MYO18B: variants seen among roughly 807,000 people sequenced by gnomAD.
The protein encoded by MYO18B is myosin XVIIIB.
A neutral mutation model predicts 273.0 loss-of-function variants in MYO18B; 204 were observed. The observed-to-expected ratio is 0.75, with a 90% CI of 0.67 to 0.84. The LOEUF is 0.84. Ranked by LOEUF, MYO18B falls within the 40% of genes least tolerant of loss-of-function variation. The pLI is 0.00. For missense variants in MYO18B, 3,212 were observed against 3,287.6 expected, an observed-to-expected ratio of 0.98 and a Z score of 0.56; for synonymous variants, 1,330 against 1,305.7, an observed-to-expected ratio of 1.02 and a Z score of -0.40.
At chr22:25,855,532 G>A (rs1424362252) in intron 21 of MYO18B, among the ~76,000 whole-genome samples, 3 of 152,066 alleles carry the variant, frequency 2.0e-5, no homozygotes, top group Admixed American at 6.6e-5. Context: ...CGCCCACCTC[G>A]GCCTCCCAAA....
At position 26,027,068 on chromosome 22, in the gene MYO18B, T is replaced by C; in HGVS notation, c.7094T>C (p.Leu2365Pro). 1 of 1,613,992 alleles carries C rather than the reference T, an allele frequency of 6.2e-7. No homozygotes were observed. Among genetic ancestry groups the C allele is most frequent in the Non-Finnish European group, 8.5e-7 (1 of 1,179,896 alleles). The change falls in exon 43 of 44, where the codon CTG becomes CCG. Residue 2365 changes from leucine (L) to proline (P), a missense_variant. Transcript: ENST00000335473. The surrounding 1 kb of genome is among the most constrained non-coding windows in gnomAD (Gnocchi z 4.1). Reference protein sequence around the residue: ...LESRPSMGRKLSSPTTPRDML... With the variant: ...LESRPSMGRKPSSPTTPRDML... ...TCCAGACCGAGCATGGGGAGAAAAC[T>C]GAGCTCTCCGACCACACCCAGGGAC...
chr22:26,027,443 C>A lies in MYO18B; in HGVS notation c.7469C>A (p.Thr2490Asn), dbSNP rs1376477817. The A allele has an allele frequency of 1.2e-6, 2 of 1,613,884 alleles. No homozygotes were observed. The highest frequency in any genetic ancestry group is 1.3e-5 in the African/African-American group (1 of 74,922). The change falls in exon 43 of 44, where the codon ACC (threonine) becomes AAC (asparagine). Residue 2490 changes from threonine to asparagine, a missense_variant. Thr to Asn is a moderately conservative substitution (Grantham distance 65). Coordinates refer to ENST00000335473, the MANE Select transcript of MYO18B (RefSeq NM_032608.7). The surrounding 1 kb of genome is among the most constrained non-coding windows in gnomAD (Gnocchi z 4.1). Reference sequence around the variant, plus strand: ...CGTTCCTTTCTCTCGGGGATCAAGACCATTTTGAAGAAGAGCCCGGAGCCC... The same window carrying A: ...CGTTCCTTTCTCTCGGGGATCAAGAACATTTTGAAGAAGAGCCCGGAGCCC... ...ANRSFLSGIK[T>N]ILKKSPEPKE...
At position 25,957,106 on chromosome 22, in the gene MYO18B, A is replaced by G. The variant is rs537549233; in HGVS notation, c.6156+1742A>G. On this transcript the variant is annotated intron_variant, in intron 39 of 43. Coordinates refer to ENST00000335473, the MANE Select transcript of MYO18B (RefSeq NM_032608.7). ...TCCTCATTAACCAGCCCCATTTCTC[A>G]TGCAGCTGAGCACCCCTCCTGCAAG... 2.0e-5 allele frequency among the ~76,000 whole-genome samples: 3 copies of G among 152,242 alleles called. No individual in the cohort carries two copies. The East Asian group carries it at 5.8e-4, about 29-fold the overall frequency.
At chr22:25,847,119 C>T (rs895223410) in intron 19 of MYO18B, among the ~76,000 whole-genome samples, 4 of 151,536 alleles carry the variant, frequency 2.6e-5, no homozygotes, top group Non-Finnish European at 5.9e-5. Flanking sequence ...ATAAAATGGA[C>T]CTCCTAGTGC....
At chr22:26,033,642 A>G (rs1936711893), downstream of MYO18B, among the ~76,000 whole-genome samples, 16 of 152,156 alleles carry the variant, frequency 1.1e-4, no homozygotes. Context: ...AACCATCCCC[A>G]TGCCTCTCAA....
intron 39 of MYO18B, among the ~76,000 whole-genome samples, chr22:25,978,798 A>G (rs1440351814): frequency 1.3e-5 from 2 of 152,176 alleles, no homozygotes; most frequent in Non-Finnish European, 2.9e-5. Flanking sequence ...TACTGAAAAT[A>G]CAAAAATTAG....
At position 25,763,318 on chromosome 22, in the gene MYO18B, C is replaced by A. The variant is rs1318966396; in HGVS notation, c.127C>A (p.Arg43=). 6.2e-7 allele frequency: 1 copy of A among 1,612,958 alleles called. No homozygotes were observed. The highest frequency in any genetic ancestry group is 8.5e-7 in the Non-Finnish European group (1 of 1,179,674). Residue 43 remains arginine, a synonymous_variant, in exon 3 of 44, where the codon CGG becomes AGG. Coordinates refer to ENST00000335473, the MANE Select transcript of MYO18B (RefSeq NM_032608.7). The part of the protein sequence containing the change: ...IPGGFIKQLV[R]GTEKEAKEAR... ...AGGGGGCTTCATTAAGCAACTGGTC[C>A]GGGGGACTGAAAAAGAGGCCAAGGA...
intron 17 of MYO18B, among the ~76,000 whole-genome samples, chr22:25,842,598 G>T (rs2090116804): frequency 6.6e-6 from 1 of 151,714 alleles, no homozygotes; most frequent in East Asian, 1.9e-4. Context: ...CTTGAACCTG[G>T]GAGGTGGAGG....
At chr22:25,806,629 C>T (rs888626879) in intron 12 of MYO18B, among the ~76,000 whole-genome samples, 4 of 152,250 alleles carry the variant, frequency 2.6e-5, no homozygotes, top group Non-Finnish European at 4.4e-5. Context: ...AGGCTCATGG[C>T]TCAAGCCATC....
intron 39 of MYO18B, among the ~76,000 whole-genome samples, chr22:25,979,588 A>T (rs2093128398): frequency 6.6e-6 from 1 of 152,130 alleles, no homozygotes. Context: ...GGGTCCCATG[A>T]TGGCTATTCT....
chr22:25,976,070 G>A (rs1417515973), intron 39 of MYO18B, among the ~76,000 whole-genome samples: 1 of 152,128 alleles, frequency 6.6e-6, no homozygotes, highest in Non-Finnish European at 1.5e-5. Context: ...GGAACATTAG[G>A]AAATATCTGG....
intron 39 of MYO18B, among the ~76,000 whole-genome samples, chr22:25,957,479 A>G (rs2092867224): frequency 6.6e-6 from 1 of 152,250 alleles, no homozygotes; most frequent in South Asian, 2.1e-4. Flanking sequence ...AAGATTCTGG[A>G]TAAGTTTATC....
In MYO18B at chr22:25,997,000, C is replaced by T. The variant is rs189061756; in HGVS notation, c.6287+4507C>T. On this transcript the variant is annotated intron_variant, in intron 40 of 43. Transcript: ENST00000335473. ...CCAGTGCCCCAGGCAGGATTGGCCA[C>T]GTCATTTGTAGGGTTCAGTGTGAAG... Among the ~76,000 whole-genome samples, 39 of 152,242 alleles carry T rather than the reference C, an allele frequency of 2.6e-4. No individual in the cohort carries two copies. In the East Asian group the frequency reaches 4.8e-3, roughly 19 times the overall value.
At chr22:25,824,444 C>T (rs1033733382) in intron 13 of MYO18B, among the ~76,000 whole-genome samples, 17 of 152,160 alleles carry the variant, frequency 1.1e-4, no homozygotes, top group East Asian at 9.7e-4. Flanking sequence ...TTTGAACTGC[C>T]GTGGGGGAAA....
chr22:25,783,179 G>T (rs1406166263), intron 10 of MYO18B, among the ~76,000 whole-genome samples: 1 of 152,136 alleles, frequency 6.6e-6, no homozygotes, highest in East Asian at 1.9e-4. Flanking sequence ...ACCCCTGACA[G>T]GCCCTGACCA....
intron 12 of MYO18B, among the ~76,000 whole-genome samples, chr22:25,802,080 C>G (rs1239872858): frequency 6.6e-6 from 1 of 152,258 alleles, no homozygotes; most frequent in Non-Finnish European, 1.5e-5. Context: ...GTCTCCACTT[C>G]AGATGCCAGC....
At chr22:25,988,110 CT>C in intron 39 of MYO18B, among the ~76,000 whole-genome samples, 1 of 152,036 alleles carries the variant, frequency 6.6e-6, no homozygotes, top group East Asian at 1.9e-4. Flanking sequence ...CTCCCGCCCA[CT>C]TCCTGTTTCA....
At position 25,943,711 on chromosome 22, in the gene MYO18B, CTTTT is replaced by C. The variant is rs59256754; in HGVS notation, c.5518-2406_5518-2403del. Among the ~76,000 whole-genome samples, 504 of 79,590 alleles carry C rather than the reference CTTTT, an allele frequency of 6.3e-3. 1 individual carries two copies. Among genetic ancestry groups the C allele is most frequent in the South Asian group, 0.031 (77 of 2,456 alleles). 52.2% of individuals were successfully genotyped at this position (79,590 alleles called of 152,430 possible). On this transcript the variant is annotated intron_variant, in intron 34 of 43. Coordinates refer to ENST00000335473, the MANE Select transcript of MYO18B (RefSeq NM_032608.7). Reference sequence around the variant, plus strand: ...ACTTTGCATCTTGTTTCTTTCTTTCCTTTTTTTTTTTTTTTTTTTTTTTCTGAGA... The same window carrying C: ...ACTTTGCATCTTGTTTCTTTCTTTCCTTTTTTTTTTTTTTTTTTTCTGAGA...
intron 11 of MYO18B, among the ~76,000 whole-genome samples, chr22:25,790,101 C>T (rs1374323736): frequency 1.3e-5 from 2 of 152,096 alleles, no homozygotes; most frequent in Admixed American, 6.5e-5. Context: ...TGCAGTGAGC[C>T]GAGATTGCGC....
Sources: allele counts gnomAD v4.1 joint callset (sites outside exome capture counted in the v4.1 genomes callset), GRCh38; gene constraint gnomAD v4.1.1; non-coding constraint Gnocchi (gnomAD v3.1); transcripts MANE v1.5; gene names NCBI Gene and HGNC (gene_info 2026-07-23, HGNC 2026-07-21).